Variants in USP49 observed in about 807,000 individuals in gnomAD.
USP49 encodes the protein ubiquitin carboxyl-terminal hydrolase 49.
USP49 carries 24 observed loss-of-function variants against 58.6 expected under a neutral mutation model. The observed-to-expected ratio is 0.41, with a 90% confidence interval of 0.30 to 0.58. USP49 has a LOEUF of 0.58. Among genes scored for constraint, USP49 ranks in the 20% least tolerant of loss-of-function variants. USP49 has a pLI of 0.30. For missense variants in USP49, 703 were observed against 866.1 expected, an observed-to-expected ratio of 0.81 and a Z score of 2.36; for synonymous variants, 408 against 365.1, an observed-to-expected ratio of 1.12 and a Z score of -1.34.
At chr6:41,824,535 A>G (rs1773505611) in intron 3 of USP49, among the ~76,000 whole-genome samples, 1 of 152,016 alleles carries the variant, frequency 6.6e-6, no homozygotes, top group South Asian at 2.1e-4. Context: ...ACATGGAGAA[A>G]CCCCGTCTCT....
chr6:41,828,566 A>G (rs1773582052), intron 3 of USP49, among the ~76,000 whole-genome samples: 1 of 152,212 alleles, frequency 6.6e-6, no homozygotes, highest in African/African-American at 2.4e-5. Context: ...TTTTTTGATT[A>G]GGCTGTTTTA....
intron 2 of USP49, among the ~76,000 whole-genome samples, chr6:41,885,075 C>T (rs1302408519): frequency 6.6e-6 from 1 of 152,208 alleles, no homozygotes; most frequent in African/African-American, 2.4e-5. Context: ...ATTTTTTCTA[C>T]TTTATTTGTT....
intron 2 of USP49, among the ~76,000 whole-genome samples, chr6:41,875,798 C>G (rs1774494595): frequency 6.6e-6 from 1 of 152,176 alleles, no homozygotes; most frequent in South Asian, 2.1e-4. Flanking sequence ...GTGGTGCCAT[C>G]TTGGCTCACT....
At chr6:41,884,640 G>A (rs779915261) in intron 2 of USP49, among the ~76,000 whole-genome samples, 1 of 152,178 alleles carries the variant, frequency 6.6e-6, no homozygotes, top group Non-Finnish European at 1.5e-5. Context: ...GGAGTAGGAA[G>A]TCCAAATTCA....
intron 2 of USP49, among the ~76,000 whole-genome samples, chr6:41,873,594 C>T (rs1388723937): frequency 6.6e-6 from 1 of 152,190 alleles, no homozygotes; most frequent in Non-Finnish European, 1.5e-5. Flanking sequence ...AATGACCCTA[C>T]TTTCAACATA....
chr6:41,807,136 T>C, intron 3 of USP49, 125 bp from the exon 4 acceptor site: 1 of 1,054,028 alleles, frequency 9.5e-7, no homozygotes, highest in South Asian at 3.6e-5. Context: ...GATTCATTCA[T>C]TTTCAACTCC....
intron 3 of USP49, among the ~76,000 whole-genome samples, chr6:41,841,947 C>A (rs1292006801): frequency 1.3e-5 from 2 of 152,090 alleles, no homozygotes; most frequent in African/African-American, 4.8e-5. Flanking sequence ...ATCCCAGCTA[C>A]TCAGGAGGCT....
chr6:41,842,649 C>G (rs1161633336), intron 3 of USP49, among the ~76,000 whole-genome samples: 4 of 152,004 alleles, frequency 2.6e-5, no homozygotes, highest in Non-Finnish European at 4.4e-5. Flanking sequence ...TTAATCACAG[C>G]TATTAATTAT....
chr6:41,803,586 G>A lies in USP49; in HGVS notation c.1561+220C>T, dbSNP rs1222447905. ...CCCAAAATGCTGGGATTACAGGCGT[G>A]AGCCACAACGCCCAGCCTTGTTTTG... On this transcript the variant is annotated intron_variant, in intron 5 of 7. Transcript: ENST00000682992. This position sits in a 1 kb window ranked among gnomAD's most constrained non-coding sequence, Gnocchi z 4.1. Among the ~76,000 whole-genome samples the A allele has an allele frequency of 2.0e-5, 3 of 152,234 alleles. No homozygotes were observed. Among genetic ancestry groups the A allele is most frequent in the African/African-American group, 7.2e-5 (3 of 41,466 alleles).
At chr6:41,833,630 T>C (rs1163518888) in intron 3 of USP49, among the ~76,000 whole-genome samples, 1 of 152,230 alleles carries the variant, frequency 6.6e-6, no homozygotes, top group African/African-American at 2.4e-5. Context: ...GTAAAATAAC[T>C]ATACCAAACC....
At chr6:41,870,709 A>G (rs1478076318) in intron 3 of USP49, among the ~76,000 whole-genome samples, 71 of 18,544 alleles carry the variant, frequency 3.8e-3, no homozygotes, top group African/African-American at 0.01. Context: ...TTTTTTTGGT[A>G]GAGATGAGGT....
chr6:41,880,945 T>C (rs890322440), intron 2 of USP49, among the ~76,000 whole-genome samples: 1 of 152,166 alleles, frequency 6.6e-6, no homozygotes, highest in East Asian at 1.9e-4. Context: ...TTTATTCTTT[T>C]ATTTTGAGAT....
At chr6:41,874,814 T>C (rs996736621) in intron 2 of USP49, among the ~76,000 whole-genome samples, 4 of 152,156 alleles carry the variant, frequency 2.6e-5, no homozygotes, top group Non-Finnish European at 4.4e-5. Context: ...AATAATTTGC[T>C]GTGTGTTTTG....
At chr6:41,848,252 C>CA (rs959166793) in intron 3 of USP49, among the ~76,000 whole-genome samples, 7 of 150,690 alleles carry the variant, frequency 4.6e-5, no homozygotes, top group Non-Finnish European at 7.4e-5. Context: ...TACATCGCTA[C>CA]AAAAAAAATC....
intron 2 of USP49, among the ~76,000 whole-genome samples, chr6:41,878,029 A>G (rs1241109646): frequency 6.6e-6 from 1 of 152,154 alleles, no homozygotes; most frequent in East Asian, 1.9e-4. Context: ...CAGCCTCCCA[A>G]GTAGCTGGGA....
chr6:41,868,675 T>C (rs1474266082), intron 3 of USP49: 1 of 152,138 alleles, frequency 6.6e-6, no homozygotes, highest in Non-Finnish European at 1.5e-5. Context: ...TCACTATCTA[T>C]GGTCACAGCA....
In USP49 at chr6:41,860,423, CACTG is replaced by C. The variant is rs1202617156; in HGVS notation, c.-29+11137_-29+11140del. Reference sequence around the variant, plus strand: ...AATGAGATAAATGAGGAAATTTGAACACTGACTACTATTCGATGATATTAAGAAA... The same window carrying C: ...AATGAGATAAATGAGGAAATTTGAACACTACTATTCGATGATATTAAGAAA... On this transcript the variant is annotated intron_variant, in intron 3 of 7. Coordinates refer to ENST00000682992, the MANE Select transcript of USP49 (RefSeq NM_001286554.2). Among the ~76,000 whole-genome samples the C allele has an allele frequency of 3.9e-5, 6 of 152,272 alleles. No homozygotes were observed. The South Asian group carries it at 1.0e-3, about 26-fold the overall frequency.
intron 2 of USP49, among the ~76,000 whole-genome samples, chr6:41,874,397 A>G (rs1335411406): frequency 6.6e-6 from 1 of 152,158 alleles, no homozygotes; most frequent in Non-Finnish European, 1.5e-5. Flanking sequence ...TTGAAACCTT[A>G]CCCAATTTAC....
At chr6:41,816,855 C>T (rs921715351) in intron 3 of USP49, among the ~76,000 whole-genome samples, 1 of 151,502 alleles carries the variant, frequency 6.6e-6, no homozygotes, top group Middle Eastern at 3.4e-3. Flanking sequence ...CAGGCGCGCA[C>T]CACCATGCCC....
Sources: allele counts gnomAD v4.1 joint callset (sites outside exome capture counted in the v4.1 genomes callset), GRCh38; gene constraint gnomAD v4.1.1; non-coding constraint Gnocchi (gnomAD v3.1); transcripts MANE v1.5; gene names NCBI Gene and HGNC (gene_info 2026-07-23, HGNC 2026-07-21).